The following CCDC102B variants were observed in gnomAD, a reference collection of about 807,000 sequenced individuals.
CCDC102B encodes the protein coiled-coil domain-containing protein 102B.
Under a neutral mutation model 57.4 loss-of-function variants are expected in CCDC102B, and 75 were observed. The ratio of observed to expected loss-of-function variants is 1.31; its 90% CI spans 1.08 to 1.58. CCDC102B has a LOEUF of 1.58. CCDC102B is among the 40% of genes most tolerant of loss of function. The pLI, the probability that CCDC102B is intolerant of heterozygous loss-of-function variation, is 0.00. For missense variants in CCDC102B, 636 were observed against 582.6 expected (o/e 1.09, Z -0.94); for synonymous variants, 206 against 201.9 (o/e 1.02, Z -0.17).
At chr18:69,005,228 A>T (rs1298498247) in intron 6 of CCDC102B, among the ~76,000 whole-genome samples, 1 of 152,186 alleles carries the variant, frequency 6.6e-6, no homozygotes, top group Admixed American at 6.5e-5. Flanking sequence ...GCCCTTGTTG[A>T]TAGCATTATT....
chr18:68,797,944 G>T (rs1489497141), upstream of CCDC102B: 1 of 151,988 alleles, frequency 6.6e-6, no homozygotes, highest in Non-Finnish European at 1.5e-5. Flanking sequence ...CATTAAAAAT[G>T]GTTTTATTTT....
intron 6 of CCDC102B, among the ~76,000 whole-genome samples, chr18:68,947,192 A>T (rs1164486276): frequency 6.6e-6 from 1 of 151,824 alleles, no homozygotes; most frequent in African/African-American, 2.4e-5. Flanking sequence ...CCCCACCAAG[A>T]GATAGAGGGG....
Position 69,054,388 on chromosome 18 carries a change from T to C in CCDC102B, c.*251T>C. The stretch of plus-strand genomic sequence containing the variant: ...CTAAGATGTGTAAATATTTTGAAAG[T>C]CAAAAAGGGCTTTCAGAATACTTTT... On this transcript the variant is annotated 3_prime_UTR_variant, in exon 8 of 8. Transcript: ENST00000360242. 7 of 1,128,690 alleles carry C rather than the reference T, an allele frequency of 6.2e-6. No individual in the cohort carries two copies. Among genetic ancestry groups the C allele is most frequent in the Non-Finnish European group, 7.6e-6 (7 of 922,702 alleles). 69.9% of individuals were successfully genotyped at this position (1,128,690 alleles called of 1,614,324 possible). A position where few individuals can be genotyped will look rare whatever the true frequency, so the allele number is the denominator to read the frequency against.
chr18:69,010,910 G>A, intron 6 of CCDC102B, 24 bp from the exon 7 acceptor site: 1 of 1,537,524 alleles, frequency 6.5e-7, no homozygotes, highest in Non-Finnish European at 8.8e-7. Context: ...TATAAATAAT[G>A]TAATTTTTGT....
chr18:68,845,822 T>A (rs973000892), intron 3 of CCDC102B, among the ~76,000 whole-genome samples: 1 of 151,828 alleles, frequency 6.6e-6, no homozygotes, highest in Non-Finnish European at 1.5e-5. Flanking sequence ...TACAATCAAA[T>A]TTGAAATATT....
intron 4 of CCDC102B, among the ~76,000 whole-genome samples, chr18:68,857,276 T>A (rs180706288): frequency 1.0e-3 from 28 of 27,884 alleles, no homozygotes; most frequent in South Asian, 9.0e-3. Flanking sequence ...AATATATATA[T>A]AATATATATT....
intron 6 of CCDC102B, among the ~76,000 whole-genome samples, chr18:69,008,770 A>G (rs557654275): frequency 7.2e-5 from 11 of 152,194 alleles, no homozygotes; most frequent in African/African-American, 2.7e-4. Context: ...GCCTGCGACT[A>G]ATCAATTGTG....
intron 6 of CCDC102B, among the ~76,000 whole-genome samples, chr18:68,931,771 C>G (rs1023647089): frequency 6.6e-6 from 1 of 151,826 alleles, no homozygotes; most frequent in Non-Finnish European, 1.5e-5. Flanking sequence ...ATGACCAAGC[C>G]TGGAAGTGGC....
chr18:69,022,161 G>T (rs563058000), intron 7 of CCDC102B, among the ~76,000 whole-genome samples: 26 of 150,028 alleles, frequency 1.7e-4, no homozygotes, highest in Non-Finnish European at 3.5e-4. Flanking sequence ...TGTAACTCTA[G>T]GCAGCATTTA....
At chr18:68,745,363 C>CT (rs1288042931) in intron 2 of CCDC102B, among the ~76,000 whole-genome samples, 1 of 152,090 alleles carries the variant, frequency 6.6e-6, no homozygotes. Context: ...GAAGCGTATT[C>CT]TCTCCTGCCT....
At chr18:68,724,079 C>A (rs544913831) in intron 2 of CCDC102B, among the ~76,000 whole-genome samples, 1 of 152,216 alleles carries the variant, frequency 6.6e-6, no homozygotes, top group Non-Finnish European at 1.5e-5. Flanking sequence ...TGGAAGCTGT[C>A]AAGGCTTGGG....
intron 6 of CCDC102B, among the ~76,000 whole-genome samples, chr18:68,926,971 A>G (rs777283949): frequency 8.6e-5 from 13 of 152,014 alleles, no homozygotes; most frequent in Non-Finnish European, 1.3e-4. Flanking sequence ...GATTTTTACA[A>G]GTCAGATAAT....
At chr18:68,748,931 C>T (rs2033735982) in intron 2 of CCDC102B, among the ~76,000 whole-genome samples, 13 of 152,130 alleles carry the variant, frequency 8.5e-5, no homozygotes, top group Admixed American at 8.5e-4. Context: ...AGTCTTTAAT[C>T]CATCTTGAAT....
chr18:68,740,679 A>C (rs557145701), intron 2 of CCDC102B, among the ~76,000 whole-genome samples: 1 of 152,180 alleles, frequency 6.6e-6, no homozygotes, highest in Admixed American at 6.5e-5. Context: ...TGAGTAACCC[A>C]GTGCTGCCTC....
At chr18:69,016,204 T>C (rs1303249290) in intron 7 of CCDC102B, among the ~76,000 whole-genome samples, 1 of 152,056 alleles carries the variant, frequency 6.6e-6, no homozygotes, top group Non-Finnish European at 1.5e-5. Context: ...GGTTCATGTA[T>C]ACATCCATAT....
intron 2 of CCDC102B, among the ~76,000 whole-genome samples, chr18:68,776,843 G>A (rs2034836218): frequency 6.6e-6 from 1 of 151,998 alleles, no homozygotes; most frequent in South Asian, 2.1e-4. Context: ...GATACACATT[G>A]AAAATAATTA....
chr18:68,794,794 C>T (rs145633267), upstream of CCDC102B, among the ~76,000 whole-genome samples: 403 of 151,958 alleles, frequency 2.7e-3, 6 homozygotes, highest in Non-Finnish European at 4.7e-4. Context: ...GGATGGAGAC[C>T]ATAGATAACT....
At chr18:68,986,462 G>A (rs748735562) in intron 6 of CCDC102B, among the ~76,000 whole-genome samples, 4 of 152,054 alleles carry the variant, frequency 2.6e-5, no homozygotes, top group African/African-American at 9.7e-5. Context: ...GATAAAAACC[G>A]TCAACAGAAT....
chr18:69,019,469 G>A (rs1397729216), intron 7 of CCDC102B, among the ~76,000 whole-genome samples: 1 of 151,692 alleles, frequency 6.6e-6, no homozygotes, highest in East Asian at 1.9e-4. Context: ...TTTGAATATG[G>A]TATTATAATT....
Sources: gnomAD v4.1 joint callset for allele counts (sites outside exome capture counted in the v4.1 genomes callset) on GRCh38, gnomAD v4.1.1 for gene constraint, MANE v1.5 for transcripts, NCBI Gene and HGNC (gene_info 2026-07-23, HGNC 2026-07-21) for gene names.